The following EVC variants were observed in gnomAD, a reference collection of about 807,000 sequenced individuals.
EVC encodes the protein EvC ciliary complex subunit 1, also known as evC complex member EVC.
A neutral mutation model predicts 118.9 loss-of-function variants in EVC; 116 were observed. The ratio of observed to expected loss-of-function variants is 0.98; its 90% confidence interval spans 0.84 to 1.14. The LOEUF (loss-of-function observed/expected upper bound fraction) is 1.14, where lower values mean the gene tolerates loss of function less well. Among genes scored for constraint, EVC ranks in the 50% most tolerant of loss-of-function variants. The pLI is 0.00. For missense variants in EVC, 1,401 were observed against 1,246.4 expected (o/e 1.12, Z -1.87); for synonymous variants, 619 against 534.7 (o/e 1.16, Z -2.18).
At position 5,756,872 on chromosome 4, in the gene EVC, G is replaced by A. The variant is rs1465998819; in HGVS notation, c.1563+510G>A. Reference sequence around the variant, plus strand: ...AGAGGGCACCTGAGCCCTCTTTAGGGGCAGGAGTCACAGGATGCCATGCTG... The same window carrying A: ...AGAGGGCACCTGAGCCCTCTTTAGGAGCAGGAGTCACAGGATGCCATGCTG... On this transcript the variant is annotated intron_variant, in intron 11 of 20. Transcript: ENST00000264956. This position sits in a 1 kb window ranked among gnomAD's most constrained non-coding sequence, Gnocchi z 4.2. Among the ~76,000 whole-genome samples the A allele has an allele frequency of 6.6e-6, 1 of 152,160 alleles. No homozygotes were observed. Among genetic ancestry groups the A allele is most frequent in the South Asian group, 2.1e-4 (1 of 4,828 alleles).
In EVC at chr4:5,754,251, ATG is replaced by A. The variant is rs1157454757; in HGVS notation, c.1464+323_1464+324del. Among the ~76,000 whole-genome samples, 1 of 151,992 alleles carries A rather than the reference ATG, an allele frequency of 6.6e-6. No homozygotes were observed. Among genetic ancestry groups the A allele is most frequent in the Non-Finnish European group, 1.5e-5 (1 of 68,020 alleles). On this transcript the variant is annotated intron_variant, in intron 10 of 20. Transcript: ENST00000264956. The surrounding 1 kb of genome is among the most constrained non-coding windows in gnomAD (Gnocchi z 5.8). Reference sequence around the variant, plus strand: ...TGGTGGCAATGGCGTGAAGGGAGCAATGTGTGGCCCAGAGGGGACAAGCATGT... The same window carrying A: ...TGGTGGCAATGGCGTGAAGGGAGCAATGTGGCCCAGAGGGGACAAGCATGT...
chr4:5,827,094 G>A, the EVC span, among the ~76,000 whole-genome samples: 12 of 152,200 alleles, frequency 7.9e-5, no homozygotes, highest in African/African-American at 2.4e-4. Context: ...CTGCAGGCAT[G>A]AAGGAATCCC....
At position 5,783,290 on chromosome 4, in the gene EVC, G is replaced by A. The variant is rs553221413; in HGVS notation, c.1564-262G>A. Among the ~76,000 whole-genome samples the A allele has an allele frequency of 2.4e-4, 36 of 152,142 alleles. No homozygotes were observed. In the East Asian group the frequency reaches 6.9e-3, roughly 29 times the overall value. The stretch of plus-strand genomic sequence containing the variant: ...CCTGTGTCTGCATGCATATGTGTAT[G>A]AGTACATGTGCATGTGTCTGTGTGT... On this transcript the variant is annotated intron_variant, in intron 11 of 20. Coordinates refer to ENST00000264956, the MANE Select transcript of EVC (RefSeq NM_153717.3).
chr4:5,782,935 G>T (rs961166466), intron 11 of EVC, among the ~76,000 whole-genome samples: 1 of 152,092 alleles, frequency 6.6e-6, no homozygotes, highest in South Asian at 2.1e-4. Flanking sequence ...GGAGATGCCA[G>T]AGTTAGAGAG....
intron 5 of EVC, among the ~76,000 whole-genome samples, chr4:5,736,011 A>G (rs1355120816): frequency 1.3e-5 from 2 of 152,160 alleles, no homozygotes; most frequent in African/African-American, 4.8e-5. Flanking sequence ...TATTCAGACC[A>G]CATGAGACCC....
At chr4:5,771,917 T>A (rs1734035857) in intron 11 of EVC, among the ~76,000 whole-genome samples, 2 of 144,250 alleles carry the variant, frequency 1.4e-5, no homozygotes, top group East Asian at 4.0e-4. Flanking sequence ...TATTATTATT[T>A]TGAGACGTCT....
chr4:5,758,984 A>C (rs1410326989), intron 11 of EVC, among the ~76,000 whole-genome samples: 2 of 151,926 alleles, frequency 1.3e-5, no homozygotes, highest in African/African-American at 4.8e-5. Flanking sequence ...GCCTTGACTT[A>C]CCGGGGAAAC....
chr4:5,783,348 T>A (rs1023605736), intron 11 of EVC, among the ~76,000 whole-genome samples: 1 of 152,102 alleles, frequency 6.6e-6, no homozygotes, highest in African/African-American at 2.4e-5. Context: ...GAGTTACTTG[T>A]CTGTGTGTAC....
At chr4:5,828,103 C>T in the EVC span, 39 of 985,294 alleles carry the variant, frequency 4.0e-5, no homozygotes, top group African/African-American at 8.7e-5. Context: ...GTTTCTGAGC[C>T]GTGACTCTGG....
intron 9 of EVC, 105 bp downstream of exon 9, chr4:5,753,157 C>T (rs1730651833): frequency 1.3e-5 from 14 of 1,100,304 alleles, no homozygotes; most frequent in South Asian, 6.7e-5. Context: ...CCCATGATGC[C>T]GGGCACAGGC....
chr4:5,820,395 C>T, the EVC span, among the ~76,000 whole-genome samples: 1 of 152,164 alleles, frequency 6.6e-6, no homozygotes, highest in African/African-American at 2.4e-5. Flanking sequence ...TTTTATCCGT[C>T]CTTTAGTGTA....
intron 9 of EVC, 102 bp from the exon 10 acceptor site, chr4:5,753,683 C>T: frequency 1.3e-6 from 2 of 1,505,240 alleles, no homozygotes; most frequent in Admixed American, 1.7e-5. Flanking sequence ...CTGCAGCCGA[C>T]ACCAGCTTCC....
intron 2 of EVC, among the ~76,000 whole-genome samples, chr4:5,723,382 G>A (rs951180444): frequency 8.6e-5 from 13 of 152,040 alleles, no homozygotes; most frequent in Admixed American, 6.5e-4. Flanking sequence ...GTAGAGGCGG[G>A]CTTCCACCAT....
intron 2 of EVC, among the ~76,000 whole-genome samples, chr4:5,722,012 T>C (rs990027305): frequency 6.6e-5 from 10 of 152,174 alleles, no homozygotes; most frequent in African/African-American, 2.4e-4. Flanking sequence ...ACACATAGGG[T>C]ACCCTTGAAT....
chr4:5,805,895 T>TTTC (rs1371513587), intron 17 of EVC, among the ~76,000 whole-genome samples: 4 of 148,950 alleles, frequency 2.7e-5, no homozygotes, highest in South Asian at 2.1e-4. Flanking sequence ...TCTTTTCTTT[T>TTTC]TTTTTTTTTT....
At chr4:5,809,849 C>G (rs572162160) in intron 19 of EVC, among the ~76,000 whole-genome samples, 1 of 152,294 alleles carries the variant, frequency 6.6e-6, no homozygotes, top group East Asian at 1.9e-4. Flanking sequence ...GCTGTGTCTC[C>G]TAACTGACTC....
At position 5,808,313 on chromosome 4, in the gene EVC, G is replaced by A. The variant is rs773640948; in HGVS notation, c.2674G>A (p.Glu892Lys). ...GVMDLLEAQL[E>K]TQLQEAEQNF... Reference sequence around the variant, plus strand: ...CATGGACCTTCTGGAAGCCCAGCTGGAGACCCAGCTACAGGTACAAGTTAC... The same window carrying A: ...CATGGACCTTCTGGAAGCCCAGCTGAAGACCCAGCTACAGGTACAAGTTAC... Residue 892 changes from glutamate (E) to lysine (K), a missense_variant, in exon 18 of 21, where the codon GAG becomes AAG. Physicochemically the swap from Glu to Lys is moderately conservative, Grantham distance 56. Transcript: ENST00000264956. The A allele has an allele frequency of 6.2e-7, 1 of 1,614,228 alleles. No individual in the cohort carries two copies. The highest frequency in any genetic ancestry group is 8.5e-7 in the Non-Finnish European group (1 of 1,180,050).
intron 5 of EVC, 111 bp downstream of exon 5, chr4:5,733,546 A>G: frequency 1.0e-6 from 1 of 963,914 alleles, no homozygotes; most frequent in Non-Finnish European, 1.7e-6. Flanking sequence ...ATCAGTGGAA[A>G]CAGAGCCGCT....
intron 11 of EVC, among the ~76,000 whole-genome samples, chr4:5,771,445 C>A (rs755221869): frequency 6.6e-6 from 1 of 152,154 alleles, no homozygotes; most frequent in Non-Finnish European, 1.5e-5. Flanking sequence ...CATCCAGGAT[C>A]TTCTTTCCAT....
Sources: allele counts gnomAD v4.1 joint callset (sites outside exome capture counted in the v4.1 genomes callset), GRCh38; gene constraint gnomAD v4.1.1; non-coding constraint Gnocchi (gnomAD v3.1); transcripts MANE v1.5; gene names NCBI Gene and HGNC (gene_info 2026-07-23, HGNC 2026-07-21).